The following PTPRT variants were observed in gnomAD, a reference collection of about 807,000 sequenced individuals.
PTPRT encodes the protein receptor-type tyrosine-protein phosphatase T.
Under a neutral mutation model 176.8 loss-of-function variants are expected in PTPRT, and 56 were observed. The ratio of observed to expected loss-of-function variants is 0.32; its 90% CI spans 0.26 to 0.40. The LOEUF (loss-of-function observed/expected upper bound fraction) is 0.40. PTPRT is among the 10% of genes least tolerant of loss of function. The pLI, the probability that PTPRT is intolerant of heterozygous loss-of-function variation, is 1.00. For synonymous variants in PTPRT, 783 were observed against 739.0 expected, an observed-to-expected ratio of 1.06 and a Z score of -0.96; for missense variants, 1,540 against 1,908.2, an observed-to-expected ratio of 0.81 and a Z score of 3.60.
intron 1 of PTPRT, among the ~76,000 whole-genome samples, chr20:43,056,072 A>G (rs185402508): frequency 6.6e-6 from 1 of 152,338 alleles, no homozygotes; most frequent in Non-Finnish European, 1.5e-5. Context: ...CAGAGAGGAA[A>G]TGATTTGTCT....
chr20:42,750,136 A>G (rs2076749841), intron 6 of PTPRT, among the ~76,000 whole-genome samples: 1 of 152,212 alleles, frequency 6.6e-6, no homozygotes, highest in South Asian at 2.1e-4. Context: ...GGGAGACCTT[A>G]AGATGATCTA....
At chr20:42,318,034 A>G (rs2057746216) in intron 11 of PTPRT, among the ~76,000 whole-genome samples, 5 of 152,224 alleles carry the variant, frequency 3.3e-5, no homozygotes, top group Admixed American at 3.3e-4. Flanking sequence ...ATGAGTAAAT[A>G]TAACATTCAG....
rs79568821 is a variant in PTPRT at position 42,512,209 on chromosome 20, C to T, written c.1154-39647G>A. The stretch of plus-strand genomic sequence containing the variant: ...TACATATATAGATTTCATGTAACCA[C>T]CACCACTATCAGGATACAGCATGGT... On this transcript the variant is annotated intron_variant, in intron 7 of 30. Transcript: ENST00000373187. Among the ~76,000 whole-genome samples, 486 of 152,212 alleles carry T rather than the reference C, an allele frequency of 3.2e-3. 2 individuals are homozygous for T. Among genetic ancestry groups the T allele is most frequent in the African/African-American group, 0.011 (471 of 41,534 alleles).
At chr20:42,593,339 C>T (rs936161240) in intron 7 of PTPRT, among the ~76,000 whole-genome samples, 20 of 152,204 alleles carry the variant, frequency 1.3e-4, no homozygotes, top group Admixed American at 8.5e-4. Context: ...GTGTTCACCA[C>T]TCAGACACCC....
intron 6 of PTPRT, among the ~76,000 whole-genome samples, chr20:42,739,510 G>C (rs1311492419): frequency 6.6e-6 from 1 of 152,088 alleles, no homozygotes; most frequent in African/African-American, 2.4e-5. Context: ...CAAGAGAGAG[G>C]GAAGGGGCAG....
chr20:42,109,909 C>T lies in PTPRT; in HGVS notation c.3254+424G>A, dbSNP rs569580757. Among the ~76,000 whole-genome samples, 3 of 152,138 alleles carry T rather than the reference C, an allele frequency of 2.0e-5. No homozygotes were observed. The South Asian group carries it at 6.2e-4, about 32-fold the overall frequency. On this transcript the variant is annotated intron_variant, in intron 23 of 30. Coordinates refer to ENST00000373187, the MANE Select transcript of PTPRT (RefSeq NM_007050.6). ...TCCTTTTGTTAGCTGACCTTGTGAC[C>T]AAGTATCATCAGAAAGCACTGGGCA...
intron 7 of PTPRT, among the ~76,000 whole-genome samples, chr20:42,491,917 T>C (rs1415098825): frequency 6.6e-6 from 1 of 152,212 alleles, no homozygotes; most frequent in African/African-American, 2.4e-5. Flanking sequence ...TCATAAATGT[T>C]ATATAAAAGA....
chr20:43,059,085 T>C (rs1411429208), intron 1 of PTPRT, among the ~76,000 whole-genome samples: 1 of 152,234 alleles, frequency 6.6e-6, no homozygotes, highest in Admixed American at 6.5e-5. Context: ...TCTGAGCCTA[T>C]GATGGCAGGG....
At chr20:42,439,689 G>T (rs967539068) in intron 9 of PTPRT, among the ~76,000 whole-genome samples, 1 of 152,110 alleles carries the variant, frequency 6.6e-6, no homozygotes, top group Non-Finnish European at 1.5e-5. Context: ...TTCAATTCAT[G>T]CAATGCTTCT....
intron 16 of PTPRT, among the ~76,000 whole-genome samples, chr20:42,177,325 GTC>G (rs1990335031): frequency 6.6e-6 from 1 of 152,154 alleles, no homozygotes; most frequent in South Asian, 2.1e-4. Flanking sequence ...TTCTTTAAAG[GTC>G]CTGGAATTTC....
intron 15 of PTPRT, among the ~76,000 whole-genome samples, chr20:42,206,781 G>A (rs1411848186): frequency 1.3e-5 from 2 of 152,258 alleles, no homozygotes; most frequent in Admixed American, 6.5e-5. Flanking sequence ...GAACTGGGCG[G>A]AGCCCACCAC....
At chr20:42,843,628 G>A (rs2078317454) in intron 2 of PTPRT, among the ~76,000 whole-genome samples, 1 of 152,208 alleles carries the variant, frequency 6.6e-6, no homozygotes, top group South Asian at 2.1e-4. Flanking sequence ...GCTATTGAGG[G>A]GAGCAGAAAG....
At chr20:42,153,349 C>T (rs915522576) in intron 17 of PTPRT, among the ~76,000 whole-genome samples, 1 of 152,134 alleles carries the variant, frequency 6.6e-6, no homozygotes, top group Non-Finnish European at 1.5e-5. Flanking sequence ...TGTAGTCAAA[C>T]ATTTCACAGA....
At chr20:43,115,671 C>T (rs2013033815) in intron 1 of PTPRT, among the ~76,000 whole-genome samples, 3 of 152,142 alleles carry the variant, frequency 2.0e-5, no homozygotes, top group Non-Finnish European at 1.5e-5. Flanking sequence ...AAACTGCCAA[C>T]CAAAATGTCA....
intron 7 of PTPRT, among the ~76,000 whole-genome samples, chr20:42,490,327 T>A (rs2071540003): frequency 6.6e-6 from 1 of 152,136 alleles, no homozygotes; most frequent in Admixed American, 6.6e-5. Context: ...TCAGGGGGGA[T>A]TTTCACTTGT....
chr20:42,555,670 G>A (rs963203051), intron 7 of PTPRT, among the ~76,000 whole-genome samples: 19 of 152,290 alleles, frequency 1.2e-4, no homozygotes, highest in African/African-American at 4.6e-4. Flanking sequence ...CCAGAGACAG[G>A]AGGTTTGCCA....
At chr20:42,162,011 G>C (rs2146505822) in intron 16 of PTPRT, among the ~76,000 whole-genome samples, 1 of 152,282 alleles carries the variant, frequency 6.6e-6, no homozygotes, top group South Asian at 2.1e-4. Flanking sequence ...CTATTTGCCT[G>C]CATGGCTGTG....
intron 7 of PTPRT, among the ~76,000 whole-genome samples, chr20:42,478,516 AT>A (rs937757878): frequency 2.6e-5 from 4 of 152,070 alleles, no homozygotes; most frequent in African/African-American, 9.7e-5. Flanking sequence ...CCCCTGAGTC[AT>A]TTTCCACTTC....
At chr20:43,134,194 G>A (rs974583922) in intron 1 of PTPRT, among the ~76,000 whole-genome samples, 1 of 152,146 alleles carries the variant, frequency 6.6e-6, no homozygotes. Flanking sequence ...GGAAGGGGGA[G>A]CCGTTATAGA....
Sources: allele counts gnomAD v4.1 joint callset (sites outside exome capture counted in the v4.1 genomes callset), GRCh38; gene constraint gnomAD v4.1.1; transcripts MANE v1.5; gene names NCBI Gene and HGNC (gene_info 2026-07-23, HGNC 2026-07-21).